The following NHSL2 variants were observed in gnomAD, a reference collection of about 807,000 sequenced individuals.
NHSL2 encodes the protein NHS-like protein 2.
In NHSL2, 27 loss-of-function variants were observed where a neutral mutation model predicts 53.4. The observed-to-expected ratio is 0.51, with a 90% CI of 0.37 to 0.70. The LOEUF (loss-of-function observed/expected upper bound fraction) is 0.70. Ranked by LOEUF, NHSL2 falls within the 30% of genes least tolerant of loss-of-function variation. The probability of loss-of-function intolerance (pLI) is 0.00; values close to 1 mark genes in which losing one functional copy is unlikely to be tolerated. For synonymous variants in NHSL2, 408 were observed against 404.1 expected, an observed-to-expected ratio of 1.01 and a Z score of -0.12; for missense variants, 892 against 980.1, an observed-to-expected ratio of 0.91 and a Z score of 1.20.
intron 1 of NHSL2, among the ~76,000 whole-genome samples, chrX:71,964,045 A>ATC (rs1282027192): frequency 1.4e-5 from 1 of 72,757 alleles, no homozygotes; most frequent in African/African-American, 6.8e-5. Flanking sequence ...ATATATATGT[A>ATC]TATATATATA....
chrX:71,998,790 C>T (rs2042060611), intron 1 of NHSL2, among the ~76,000 whole-genome samples: 1 of 111,349 alleles, frequency 9.0e-6, no homozygotes, highest in Non-Finnish European at 1.9e-5. Context: ...ACTCAATGCC[C>T]TCATGCCCCA....
chrX:72,020,805 A>G (rs1347385859), intron 1 of NHSL2, among the ~76,000 whole-genome samples: 1 of 112,735 alleles, frequency 8.9e-6, no homozygotes, highest in Admixed American at 9.3e-5. Flanking sequence ...CATAGAAAAC[A>G]AGATCTCTAG....
intron 1 of NHSL2, among the ~76,000 whole-genome samples, chrX:71,955,263 A>G (rs933735329): frequency 3.6e-5 from 4 of 111,825 alleles, no homozygotes; most frequent in African/African-American, 1.3e-4. Context: ...ACCTTGTCAA[A>G]TGGTTGTGAT....
At chrX:71,962,950 TC>T in intron 1 of NHSL2, among the ~76,000 whole-genome samples, 1 of 110,921 alleles carries the variant, frequency 9.0e-6, no homozygotes, top group East Asian at 2.8e-4. Context: ...TACTTGCATT[TC>T]TGATTTTAGT....
intron 1 of NHSL2, among the ~76,000 whole-genome samples, chrX:71,977,831 G>A (rs935209630): frequency 4.5e-5 from 5 of 111,952 alleles, no homozygotes; most frequent in Admixed American, 1.9e-4. Flanking sequence ...ATGGTGGAAA[G>A]TTTCTGAAAT....
intron 1 of NHSL2, among the ~76,000 whole-genome samples, chrX:72,059,792 T>A (rs1466715602): frequency 8.9e-6 from 1 of 111,837 alleles, no homozygotes; most frequent in Non-Finnish European, 1.9e-5. Flanking sequence ...ATCTTAATGA[T>A]AACTAACATT....
In NHSL2 at chrX:72,139,159, T is replaced by C. The variant is rs1413196468; in HGVS notation, c.1611T>C (p.Ala537=). 3 of 1,174,154 alleles carry C rather than the reference T, an allele frequency of 2.6e-6. No homozygotes were observed. Among genetic ancestry groups the C allele is most frequent in the Admixed American group, 5.0e-5 (2 of 39,927 alleles). ...CGAGCTCTGAGGGCAGTAACAGTGC[T>C]GACAACATTGCCTCCCTTAGTGCCC... is the stretch of plus-strand genomic sequence containing the variant. ...ASTSSEGSNS[A]DNIASLSAQQ... Residue 537 remains alanine, a synonymous_variant, in exon 6 of 8, where the codon GCT becomes GCC. Transcript: ENST00000633930.
chrX:71,912,760 T>G (rs1213423530), intron 1 of NHSL2, among the ~76,000 whole-genome samples: 3 of 112,196 alleles, frequency 2.7e-5, no homozygotes, highest in African/African-American at 9.7e-5. Flanking sequence ...GATTACAGGA[T>G]TAGTCTAGGA....
chrX:71,972,262 T>G (rs2041928437), intron 1 of NHSL2, among the ~76,000 whole-genome samples: 1 of 111,782 alleles, frequency 8.9e-6, no homozygotes, highest in Non-Finnish European at 1.9e-5. Flanking sequence ...CTCAAACTCC[T>G]GACCTCAGGT....
At chrX:72,042,003 C>T (rs979538631) in intron 1 of NHSL2, among the ~76,000 whole-genome samples, 1 of 112,196 alleles carries the variant, frequency 8.9e-6, no homozygotes, top group African/African-American at 3.2e-5. Flanking sequence ...GGTTTCCCTA[C>T]AAGGTCTGCC....
At chrX:72,002,348 T>C (rs1305874132) in intron 1 of NHSL2, among the ~76,000 whole-genome samples, 2 of 112,736 alleles carry the variant, frequency 1.8e-5, no homozygotes, top group Non-Finnish European at 3.7e-5. Flanking sequence ...GGAAAGAAAC[T>C]TTATTTTGAA....
chrX:72,144,361 G>T lies in NHSL2; in HGVS notation c.*787G>T. The T allele has an allele frequency of 3.1e-6, 1 of 326,199 alleles. No homozygotes were observed. The highest frequency in any genetic ancestry group is 5.5e-6 in the Non-Finnish European group (1 of 180,791). The allele number at this position is 326,199 out of a possible 1,213,427, so 26.9% of individuals were successfully genotyped here. A position where few individuals can be genotyped will look rare whatever the true frequency, so the allele number is the denominator to read the frequency against. ...GCCATTTGTTCACTCAGATCTAGCCGAGGTAACTCACAAGTGCACCTTGAG... is the reference window on the plus strand; with the variant it reads ...GCCATTTGTTCACTCAGATCTAGCCTAGGTAACTCACAAGTGCACCTTGAG... On this transcript the variant is annotated 3_prime_UTR_variant, in exon 8 of 8. Coordinates refer to ENST00000633930, the MANE Select transcript of NHSL2 (RefSeq NM_001013627.3).
chrX:72,007,349 G>A (rs2042098640), intron 1 of NHSL2, among the ~76,000 whole-genome samples: 1 of 112,931 alleles, frequency 8.9e-6, no homozygotes, highest in Non-Finnish European at 1.9e-5. Flanking sequence ...AGGCATTAGT[G>A]CCCTTTGGTG....
At chrX:72,006,641 C>T (rs2042095637) in intron 1 of NHSL2, among the ~76,000 whole-genome samples, 2 of 112,623 alleles carry the variant, frequency 1.8e-5, no homozygotes, top group Non-Finnish European at 3.8e-5. Context: ...CAGCCTTAAC[C>T]TGCTGGGCTC....
intron 1 of NHSL2, among the ~76,000 whole-genome samples, chrX:72,038,600 A>G (rs1224952466): frequency 8.9e-6 from 1 of 112,100 alleles, no homozygotes; most frequent in Non-Finnish European, 1.9e-5. Context: ...ACAGTATATA[A>G]TATTGTTTTG....
chrX:72,007,925 C>T (rs1321153211), intron 1 of NHSL2, among the ~76,000 whole-genome samples: 2 of 112,752 alleles, frequency 1.8e-5, no homozygotes, highest in African/African-American at 6.4e-5. Context: ...GGAATGAGCC[C>T]TCAGAATCAT....
At chrX:72,086,770 C>T (rs1187458802) in intron 1 of NHSL2, among the ~76,000 whole-genome samples, 3 of 108,855 alleles carry the variant, frequency 2.8e-5, no homozygotes, top group Non-Finnish European at 3.8e-5. Flanking sequence ...ACATGAGTCT[C>T]ATTCAAATGT....
At chrX:72,094,611 T>C (rs2041928934) in intron 1 of NHSL2, among the ~76,000 whole-genome samples, 1 of 110,595 alleles carries the variant, frequency 9.0e-6, no homozygotes, top group African/African-American at 3.3e-5. Context: ...ATCAGAGAGA[T>C]GGATAACCTC....
At chrX:72,131,209 C>G (rs1284832425) in intron 1 of NHSL2, 19 of 1,196,491 alleles carry the variant, frequency 1.6e-5, no homozygotes, top group Non-Finnish European at 2.0e-5. Context: ...GGGGGTGCTG[C>G]GATCCTGGAT....
Sources: gnomAD v4.1 joint callset for allele counts (sites outside exome capture counted in the v4.1 genomes callset) on GRCh38, gnomAD v4.1.1 for gene constraint, MANE v1.5 for transcripts, NCBI Gene and HGNC (gene_info 2026-07-23, HGNC 2026-07-21) for gene names.